The following SCMH1 variants were observed in gnomAD, a reference collection of about 807,000 sequenced individuals.
The protein encoded by SCMH1 is Scm polycomb group protein homolog 1.
Under a neutral mutation model 70.8 loss-of-function variants are expected in SCMH1, and 37 were observed. That is an observed-to-expected ratio of 0.52 (90% CI 0.40 to 0.69). The LOEUF is 0.69. Ranked by LOEUF, SCMH1 falls within the 30% of genes least tolerant of loss-of-function variation. SCMH1 has a pLI of 0.00. For synonymous variants in SCMH1, 292 were observed against 307.4 expected (o/e 0.95, Z 0.52); for missense variants, 607 against 827.3 (o/e 0.73, Z 3.27).
intron 4 of SCMH1, among the ~76,000 whole-genome samples, chr1:41,156,084 C>T (rs529610942): frequency 5.9e-5 from 9 of 151,524 alleles, no homozygotes; most frequent in East Asian, 5.8e-4. Flanking sequence ...AGCTATTTAG[C>T]TATTACTCAA....
At chr1:41,120,183 C>A (rs1430356420) in intron 6 of SCMH1, among the ~76,000 whole-genome samples, 1 of 152,130 alleles carries the variant, frequency 6.6e-6, no homozygotes, top group East Asian at 1.9e-4. Context: ...CCATGTAATT[C>A]CCAATTCCAT....
chr1:41,194,355 C>T (rs1453084385), intron 1 of SCMH1, among the ~76,000 whole-genome samples: 1 of 152,042 alleles, frequency 6.6e-6, no homozygotes, highest in Admixed American at 6.5e-5. Context: ...CATGGTTCAG[C>T]TATATCAAAT....
At chr1:41,147,471 T>C (rs1413512872) in intron 5 of SCMH1, among the ~76,000 whole-genome samples, 1 of 152,148 alleles carries the variant, frequency 6.6e-6, no homozygotes, top group East Asian at 1.9e-4. Flanking sequence ...GTAATGGACA[T>C]TTAATTTTGT....
intron 10 of SCMH1, among the ~76,000 whole-genome samples, chr1:41,065,831 C>T (rs1205114182): frequency 6.6e-6 from 1 of 152,078 alleles, no homozygotes; most frequent in Non-Finnish European, 1.5e-5. Flanking sequence ...GATAATAGAC[C>T]TAAATGTAAA....
At chr1:41,231,032 G>T (rs1334930683) in intron 1 of SCMH1, among the ~76,000 whole-genome samples, 1 of 152,162 alleles carries the variant, frequency 6.6e-6, no homozygotes, top group African/African-American at 2.4e-5. Context: ...ACACAGAATT[G>T]ACTGGATCAA....
intron 8 of SCMH1, among the ~76,000 whole-genome samples, chr1:41,108,238 C>T (rs1009936130): frequency 7.2e-5 from 11 of 152,120 alleles, no homozygotes; most frequent in Admixed American, 1.3e-4. Context: ...TCACAAGAGA[C>T]GAATGTACTA....
At chr1:41,161,999 T>C (rs1210128596) in intron 2 of SCMH1, among the ~76,000 whole-genome samples, 7 of 152,156 alleles carry the variant, frequency 4.6e-5, no homozygotes, top group African/African-American at 1.2e-4. Flanking sequence ...GCATGCTCCA[T>C]GGAGCCGGTG....
chr1:41,205,519 T>A (rs1462887193), intron 1 of SCMH1, among the ~76,000 whole-genome samples: 1 of 152,106 alleles, frequency 6.6e-6, no homozygotes, highest in Non-Finnish European at 1.5e-5. Flanking sequence ...GATTTCCCAC[T>A]GCATCCTCGC....
At chr1:41,090,777 C>A (rs1003976448) in intron 8 of SCMH1, among the ~76,000 whole-genome samples, 1 of 152,120 alleles carries the variant, frequency 6.6e-6, no homozygotes, top group African/African-American at 2.4e-5. Context: ...CGGTGGCTCA[C>A]GCCTGTAATC....
intron 1 of SCMH1, among the ~76,000 whole-genome samples, chr1:41,212,814 A>T (rs973360692): frequency 2.0e-5 from 3 of 152,172 alleles, no homozygotes; most frequent in Admixed American, 6.5e-5. Context: ...TCATTTTTTT[A>T]AATTAATTTT....
intron 8 of SCMH1, among the ~76,000 whole-genome samples, chr1:41,103,296 T>C (rs1572139311): frequency 1.3e-5 from 2 of 152,180 alleles, no homozygotes; most frequent in East Asian, 3.9e-4. Context: ...CACTCCTGGC[T>C]AATTTTTTTT....
At chr1:41,035,509 T>C (rs1645165984) in intron 13 of SCMH1, among the ~76,000 whole-genome samples, 1 of 152,186 alleles carries the variant, frequency 6.6e-6, no homozygotes, top group African/African-American at 2.4e-5. Flanking sequence ...ACTAGTCCAG[T>C]CTATCAGCGC....
At chr1:41,086,815 C>T (rs4233487) in intron 8 of SCMH1, among the ~76,000 whole-genome samples, 80,233 of 149,796 alleles carry the variant, frequency 0.54, 23,162 homozygotes, top group African/African-American at 0.77. Context: ...GGAAGCTGAT[C>T]GTTTGAGCTC....
At chr1:41,114,279 C>T (rs571379253) in intron 7 of SCMH1, among the ~76,000 whole-genome samples, 3 of 152,142 alleles carry the variant, frequency 2.0e-5, no homozygotes, top group Admixed American at 1.3e-4. Flanking sequence ...ATACTTTCAC[C>T]GGAAGTGTAG....
intron 5 of SCMH1, among the ~76,000 whole-genome samples, chr1:41,143,515 A>AT (rs1414723861): frequency 6.6e-6 from 1 of 152,152 alleles, no homozygotes; most frequent in Non-Finnish European, 1.5e-5. Context: ...ATTGGTGTGT[A>AT]TATCTACCAC....
intron 6 of SCMH1, among the ~76,000 whole-genome samples, chr1:41,127,619 G>C (rs1673539662): frequency 6.6e-6 from 1 of 152,004 alleles, no homozygotes; most frequent in Non-Finnish European, 1.5e-5. Flanking sequence ...ACTATGGACT[G>C]AATCTCCATC....
rs1008260827 is a variant in SCMH1, at chr1:41,207,419, C to G, written c.-117-21169G>C. The stretch of plus-strand genomic sequence containing the variant: ...GTCTCTGATAAAACAGATTTTAAAC[C>G]AGCAAAGATCAAAAGAGACAAAGAA... On this transcript the variant is annotated intron_variant, in intron 1 of 14. Transcript: ENST00000337495. Among the ~76,000 whole-genome samples the G allele has an allele frequency of 6.2e-4, 95 of 152,178 alleles. 1 individual carries two copies. Among genetic ancestry groups the G allele is most frequent in the African/African-American group, 2.2e-3 (90 of 41,508 alleles).
chr1:41,240,782 G>A (rs74070743), intron 1 of SCMH1, among the ~76,000 whole-genome samples: 1,940 of 148,512 alleles, frequency 0.013, 39 homozygotes, highest in African/African-American at 0.046. Context: ...ATACAGTACA[G>A]AAATGAGGAA....
intron 2 of SCMH1, among the ~76,000 whole-genome samples, chr1:41,178,827 A>G (rs376401910): frequency 1.1e-3 from 162 of 152,212 alleles, no homozygotes; most frequent in Non-Finnish European, 1.4e-3. Flanking sequence ...ACAGATCAAC[A>G]AGACAGAAAG....
Sources: gnomAD v4.1 joint callset for allele counts (sites outside exome capture counted in the v4.1 genomes callset) on GRCh38, gnomAD v4.1.1 for gene constraint, MANE v1.5 for transcripts, NCBI Gene and HGNC (gene_info 2026-07-23, HGNC 2026-07-21) for gene names.